Variants in CTIF observed in about 807,000 individuals in gnomAD.
CTIF encodes the protein CBP80/20-dependent translation initiation factor.
A neutral mutation model predicts 66.0 loss-of-function variants in CTIF; 21 were observed. The ratio of observed to expected loss-of-function variants is 0.32; its 90% confidence interval spans 0.23 to 0.46. The LOEUF (loss-of-function observed/expected upper bound fraction) is 0.46, where lower values mean the gene tolerates loss of function less well. Ranked by LOEUF, CTIF falls within the 20% of genes least tolerant of loss-of-function variation. The probability of loss-of-function intolerance (pLI) is 1.00; values close to 1 mark genes in which losing one functional copy is unlikely to be tolerated. For synonymous variants in CTIF, 345 were observed against 326.4 expected (o/e 1.06, Z -0.62); for missense variants, 739 against 812.7 (o/e 0.91, Z 1.10).
intron 7 of CTIF, among the ~76,000 whole-genome samples, chr18:48,716,262 C>T (rs1309779181): frequency 6.6e-6 from 1 of 152,168 alleles, no homozygotes; most frequent in East Asian, 1.9e-4. Flanking sequence ...CACAATGGTG[C>T]CTTGACTCCA....
At chr18:48,734,178 C>G (rs2092479468) in intron 7 of CTIF, among the ~76,000 whole-genome samples, 2 of 152,174 alleles carry the variant, frequency 1.3e-5, no homozygotes, top group African/African-American at 2.4e-5. Flanking sequence ...CACCCACTTC[C>G]CCTGGGACAA....
intron 9 of CTIF, among the ~76,000 whole-genome samples, chr18:48,807,607 G>C (rs2068176477): frequency 1.4e-5 from 2 of 141,040 alleles, no homozygotes; most frequent in African/African-American, 5.4e-5. Context: ...TTGAGACAGA[G>C]TCTCGCTCTG....
At chr18:48,656,196 G>T (rs1359035470) in intron 3 of CTIF, among the ~76,000 whole-genome samples, 1 of 152,212 alleles carries the variant, frequency 6.6e-6, no homozygotes, top group Non-Finnish European at 1.5e-5. Flanking sequence ...GGAGGGATAC[G>T]TTCCTGCTTT....
intron 2 of CTIF, among the ~76,000 whole-genome samples, chr18:48,624,488 A>G (rs2144488306): frequency 6.6e-6 from 1 of 152,336 alleles, no homozygotes; most frequent in East Asian, 1.9e-4. Context: ...CTCATTGACC[A>G]CTAATCTTTT....
chr18:48,547,875 G>A (rs764700922), intron 1 of CTIF, among the ~76,000 whole-genome samples: 1 of 152,176 alleles, frequency 6.6e-6, no homozygotes, highest in Non-Finnish European at 1.5e-5. Flanking sequence ...GGTGCTTTTC[G>A]GATGATCATG....
chr18:48,730,334 TGCG>T (rs2092432202), intron 7 of CTIF, among the ~76,000 whole-genome samples: 7 of 88,134 alleles, frequency 7.9e-5, no homozygotes, highest in Admixed American at 2.6e-4. Context: ...GAGGGGCCCC[TGCG>T]GTGTGAGGGG....
chr18:48,822,631 T>TA (rs56143443), intron 10 of CTIF, among the ~76,000 whole-genome samples: 152,203 of 152,212 alleles, frequency 1, 76,097 homozygotes, highest in Middle Eastern at 1. Context: ...ATGAGAGTGC[T>TA]ATATCTCTTC....
chr18:48,659,567 T>C (rs1288374322), intron 3 of CTIF, among the ~76,000 whole-genome samples: 1 of 152,244 alleles, frequency 6.6e-6, no homozygotes, highest in Non-Finnish European at 1.5e-5. Flanking sequence ...GGGCTCACCT[T>C]GCTGGCACTT....
At chr18:48,744,409 C>G (rs1419441667) in intron 7 of CTIF, among the ~76,000 whole-genome samples, 1 of 152,218 alleles carries the variant, frequency 6.6e-6, no homozygotes, top group East Asian at 1.9e-4. Context: ...TCCCTTTTAA[C>G]TAAATCCTGC....
intron 3 of CTIF, among the ~76,000 whole-genome samples, chr18:48,639,063 C>T (rs906511778): frequency 1.1e-4 from 16 of 152,216 alleles, no homozygotes; most frequent in African/African-American, 3.9e-4. Flanking sequence ...AGGGACACCC[C>T]CTGCCACAGA....
chr18:48,761,332 C>A lies in CTIF; in HGVS notation c.1072-58C>A. The A allele has an allele frequency of 6.4e-7, 1 of 1,556,344 alleles. No homozygotes were observed. The highest frequency in any genetic ancestry group is 8.8e-7 in the Non-Finnish European group (1 of 1,142,682). ...GGCCACCCTCTTTCCACCAGGCCAC[C>A]CCTGCACAGAGACCTCGGCTTCACT... On this transcript the variant is annotated intron_variant, in intron 8 of 11. Transcript: ENST00000256413. The surrounding 1 kb of genome is among the most constrained non-coding windows in gnomAD (Gnocchi z 4.2).
chr18:48,671,824 A>G (rs1568122368), intron 6 of CTIF, among the ~76,000 whole-genome samples: 1 of 146,044 alleles, frequency 6.8e-6, no homozygotes, highest in Non-Finnish European at 1.5e-5. Context: ...GTCTTTCTTT[A>G]CTCTCTGTGT....
At chr18:48,775,589 C>T (rs1215445267) in intron 9 of CTIF, among the ~76,000 whole-genome samples, 1 of 152,270 alleles carries the variant, frequency 6.6e-6, no homozygotes, top group Admixed American at 6.5e-5. Flanking sequence ...GAGCTCAGTA[C>T]TGTGAAACCC....
At chr18:48,656,063 A>G (rs1173895113) in intron 3 of CTIF, among the ~76,000 whole-genome samples, 8 of 152,248 alleles carry the variant, frequency 5.3e-5, no homozygotes. Flanking sequence ...CCGCAGCCTC[A>G]TCGCATACCC....
Position 48,862,391 on chromosome 18 carries a change from G to A in CTIF, c.*2832G>A, listed in dbSNP as rs1376489870. The A allele has an allele frequency of 3.3e-5, 5 of 152,452 alleles. No homozygotes were observed. The highest frequency in any genetic ancestry group is 3.3e-4 in the Admixed American group (5 of 15,264). The allele number at this position is 152,452 out of a possible 1,614,324, so 9.4% of individuals were successfully genotyped here. A position where few individuals can be genotyped will look rare whatever the true frequency, so the allele number is the denominator to read the frequency against. On this transcript the variant is annotated 3_prime_UTR_variant, in exon 12 of 12. Coordinates refer to ENST00000256413, the MANE Select transcript of CTIF (RefSeq NM_014772.3). ...TGCCTGTCAGGATGAGTTAGTCATT[G>A]TTTTTCTCCGAGGCGGCCTGCTTGC...
intron 7 of CTIF, among the ~76,000 whole-genome samples, chr18:48,744,280 T>C (rs2092577722): frequency 6.6e-6 from 1 of 152,218 alleles, no homozygotes; most frequent in African/African-American, 2.4e-5. Context: ...AGGACCCCCT[T>C]GTGTCAATTT....
intron 1 of CTIF, among the ~76,000 whole-genome samples, chr18:48,597,222 G>A (rs2090002371): frequency 6.6e-6 from 1 of 152,244 alleles, no homozygotes; most frequent in East Asian, 1.9e-4. Flanking sequence ...AGCAGGAAAA[G>A]GAGGAAGACA....
intron 1 of CTIF, among the ~76,000 whole-genome samples, chr18:48,587,334 C>T (rs1174334762): frequency 6.6e-6 from 1 of 152,264 alleles, no homozygotes; most frequent in East Asian, 1.9e-4. Flanking sequence ...TCCACCTCGG[C>T]CTCCCAGAGT....
At chr18:48,601,727 T>C (rs1228136479) in intron 1 of CTIF, among the ~76,000 whole-genome samples, 1 of 152,228 alleles carries the variant, frequency 6.6e-6, no homozygotes, top group Non-Finnish European at 1.5e-5. Flanking sequence ...TATACTGATA[T>C]GTTCAACTCA....
Sources: allele counts gnomAD v4.1 joint callset (sites outside exome capture counted in the v4.1 genomes callset), GRCh38; gene constraint gnomAD v4.1.1; non-coding constraint Gnocchi (gnomAD v3.1); transcripts MANE v1.5; gene names NCBI Gene and HGNC (gene_info 2026-07-23, HGNC 2026-07-21).